TMTC1: variants seen among roughly 807,000 people sequenced by gnomAD.
TMTC1 encodes the protein protein O-mannosyl-transferase TMTC1.
In TMTC1, 73 loss-of-function variants were observed where a neutral mutation model predicts 104.8. That is an observed-to-expected ratio of 0.70 (90% CI 0.58 to 0.85). The LOEUF (loss-of-function observed/expected upper bound fraction) is 0.85. TMTC1 is among the 40% of genes least tolerant of loss of function. The pLI is 0.00. For missense variants in TMTC1, 1,035 were observed against 1,096.1 expected, an observed-to-expected ratio of 0.94 and a Z score of 0.79; for synonymous variants, 434 against 428.7, an observed-to-expected ratio of 1.01 and a Z score of -0.15.
intron 13 of TMTC1, 119 bp from the exon 14 acceptor site, chr12:29,517,690 GT>G: frequency 8.8e-7 from 1 of 1,139,990 alleles, no homozygotes; most frequent in Non-Finnish European, 1.2e-6. Context: ...TACGGTCTTT[GT>G]TTTTATATCA....
At chr12:29,587,556 A>T (rs748043351) in intron 7 of TMTC1, among the ~76,000 whole-genome samples, 12 of 151,954 alleles carry the variant, frequency 7.9e-5, no homozygotes, top group Non-Finnish European at 1.5e-4. Flanking sequence ...CTGGTCTTGA[A>T]CTCTTGGGCT....
At chr12:29,739,208 A>T (rs560630933) in intron 5 of TMTC1, among the ~76,000 whole-genome samples, 5 of 152,174 alleles carry the variant, frequency 3.3e-5, no homozygotes, top group Non-Finnish European at 7.4e-5. Context: ...AAGTTCCTTC[A>T]TGACAGGACT....
intron 7 of TMTC1, among the ~76,000 whole-genome samples, chr12:29,589,766 G>A (rs920036647): frequency 5.3e-5 from 8 of 152,176 alleles, no homozygotes; most frequent in East Asian, 3.8e-4. Context: ...CTTCCTGTGC[G>A]GTAGGCACTG....
At chr12:29,533,854 A>G (rs1944571605) in intron 11 of TMTC1, 1 of 152,212 alleles carries the variant, frequency 6.6e-6, no homozygotes, top group South Asian at 2.1e-4. Flanking sequence ...TGATGTAAAT[A>G]CAGAATGAAT....
intron 10 of TMTC1, among the ~76,000 whole-genome samples, chr12:29,548,331 CA>C (rs1431903629): frequency 6.6e-6 from 1 of 152,140 alleles, no homozygotes; most frequent in Non-Finnish European, 1.5e-5. Context: ...AAAAATGGCA[CA>C]ATTATTTTGG....
At chr12:29,676,724 A>C (rs1232054693) in intron 5 of TMTC1, among the ~76,000 whole-genome samples, 3 of 152,204 alleles carry the variant, frequency 2.0e-5, no homozygotes, top group Non-Finnish European at 4.4e-5. Flanking sequence ...GGGATTAAAA[A>C]TCATGATTGA....
At position 29,682,602 on chromosome 12, in the gene TMTC1, CTTG is replaced by C. The variant is rs1591919227; in HGVS notation, c.939-49269_939-49267del. Among the ~76,000 whole-genome samples the C allele has an allele frequency of 2.0e-5, 3 of 152,240 alleles. No individual in the cohort carries two copies. The East Asian group carries it at 5.8e-4, about 29-fold the overall frequency. ...AAAGAATTATTGATGCAGTCAACAA[CTTG>C]GATGAATCTAAAAGACATTATGGTG... is the stretch of plus-strand genomic sequence containing the variant. On this transcript the variant is annotated intron_variant, in intron 5 of 17. Coordinates refer to ENST00000539277, the MANE Select transcript of TMTC1 (RefSeq NM_001193451.2).
At chr12:29,682,836 T>C (rs1235666802) in intron 5 of TMTC1, among the ~76,000 whole-genome samples, 1 of 152,050 alleles carries the variant, frequency 6.6e-6, no homozygotes, top group Non-Finnish European at 1.5e-5. Flanking sequence ...TTGAGTGTGG[T>C]GGTGCTTACA....
At chr12:29,511,001 T>G (rs1943818502) in intron 17 of TMTC1, among the ~76,000 whole-genome samples, 1 of 152,140 alleles carries the variant, frequency 6.6e-6, no homozygotes, top group Non-Finnish European at 1.5e-5. Context: ...TTAGGGCCTC[T>G]GCACGTGCTT....
intron 7 of TMTC1, among the ~76,000 whole-genome samples, chr12:29,598,855 A>G (rs78401901): frequency 0.047 from 7,162 of 152,248 alleles, 573 homozygotes; most frequent in African/African-American, 0.16. Context: ...ACGTATATAA[A>G]TTTAATGTTG....
chr12:29,549,667 G>C (rs1237100388), intron 10 of TMTC1, among the ~76,000 whole-genome samples: 1 of 152,134 alleles, frequency 6.6e-6, no homozygotes, highest in Non-Finnish European at 1.5e-5. Context: ...AGGAAATTTT[G>C]AGATAGAAAG....
chr12:29,775,720 A>G (rs112529652), intron 1 of TMTC1, among the ~76,000 whole-genome samples: 1 of 152,030 alleles, frequency 6.6e-6, no homozygotes, highest in Non-Finnish European at 1.5e-5. Context: ...CTGACCACAC[A>G]ACAATTCAAT....
At chr12:29,555,665 TA>T (rs1271944587) in intron 10 of TMTC1, among the ~76,000 whole-genome samples, 1 of 152,202 alleles carries the variant, frequency 6.6e-6, no homozygotes, top group Non-Finnish European at 1.5e-5. Context: ...CATCCTTTTT[TA>T]TGGCTGCATA....
chr12:29,687,049 A>C (rs1941116680), intron 5 of TMTC1, among the ~76,000 whole-genome samples: 1 of 152,226 alleles, frequency 6.6e-6, no homozygotes, highest in South Asian at 2.1e-4. Context: ...AATGTATAAG[A>C]GATATTGGGA....
chr12:29,752,798 C>T (rs1943123482), intron 4 of TMTC1, among the ~76,000 whole-genome samples: 1 of 151,874 alleles, frequency 6.6e-6, no homozygotes, highest in Non-Finnish European at 1.5e-5. Context: ...TATTCACTAG[C>T]ATGTGTGTAT....
chr12:29,643,821 TTATATATTTA>T lies in TMTC1; in HGVS notation c.939-10495_939-10486del, dbSNP rs1253654583. On this transcript the variant is annotated intron_variant, in intron 5 of 17. Coordinates refer to ENST00000539277, the MANE Select transcript of TMTC1 (RefSeq NM_001193451.2). ...TACATATTTATATATTTATATATAT[TTATATATTTA>T]TATATATTTATATATTTATATATAT... Among the ~76,000 whole-genome samples, 8 of 75,624 alleles carry T rather than the reference TTATATATTTA, an allele frequency of 1.1e-4. 1 individual carries two copies. Among genetic ancestry groups the T allele is most frequent in the African/African-American group, 3.7e-4 (7 of 18,964 alleles). 49.6% of individuals were successfully genotyped at this position (75,624 alleles called of 152,430 possible). A position where few individuals can be genotyped will look rare whatever the true frequency, so the allele number is the denominator to read the frequency against.
intron 6 of TMTC1, chr12:29,613,898 A>T: frequency 1.0e-6 from 1 of 963,026 alleles, no homozygotes; most frequent in Non-Finnish European, 1.2e-6. Flanking sequence ...TCACAAAGCA[A>T]GTCACACTCA....
chr12:29,614,032 G>T, intron 6 of TMTC1: 1 of 436,254 alleles, frequency 2.3e-6, no homozygotes, highest in Non-Finnish European at 3.1e-6. Flanking sequence ...CACTCTCCTA[G>T]TGAAGATCTA....
intron 5 of TMTC1, among the ~76,000 whole-genome samples, chr12:29,647,392 G>A (rs9668114): frequency 0.015 from 2,292 of 152,224 alleles, 56 homozygotes; most frequent in African/African-American, 0.053. Context: ...CAAGAACAGA[G>A]CAGTTCATTT....
Sources: allele counts gnomAD v4.1 joint callset (sites outside exome capture counted in the v4.1 genomes callset), GRCh38; gene constraint gnomAD v4.1.1; transcripts MANE v1.5; gene names NCBI Gene and HGNC (gene_info 2026-07-23, HGNC 2026-07-21).